GAS7: variants seen among roughly 807,000 people sequenced by gnomAD.
GAS7 encodes the protein growth arrest specific 7.
A neutral mutation model predicts 71.1 loss-of-function variants in GAS7; 28 were observed. The ratio of observed to expected loss-of-function variants is 0.39; its 90% confidence interval spans 0.29 to 0.54. GAS7 has a LOEUF of 0.54. Among genes scored for constraint, GAS7 ranks in the 20% least tolerant of loss-of-function variants. The pLI, the probability that GAS7 is intolerant of heterozygous loss-of-function variation, is 0.62. For synonymous variants in GAS7, 258 were observed against 245.8 expected, an observed-to-expected ratio of 1.05 and a Z score of -0.46; for missense variants, 436 against 627.8, an observed-to-expected ratio of 0.69 and a Z score of 3.27.
At chr17:10,117,705 C>A (rs1007116866) in intron 1 of GAS7, among the ~76,000 whole-genome samples, 3 of 152,128 alleles carry the variant, frequency 2.0e-5, no homozygotes, top group African/African-American at 7.2e-5. Context: ...GTGTTCAGAC[C>A]CTTCCTGTGA....
rs754726154 is a variant in GAS7, at chr17:9,934,198, C to T, written c.853G>A (p.Glu285Lys). The T allele has an allele frequency of 2.5e-6, 4 of 1,612,846 alleles. No individual in the cohort carries two copies. Among genetic ancestry groups the T allele is most frequent in the East Asian group, 2.2e-5 (1 of 44,866 alleles). ...WAQVKKSLAD[E>K]AEVHLKFSAK... is the part of the protein sequence containing the mutation. The stretch of plus-strand genomic sequence containing the variant: ...GAGAACTTGAGGTGAACTTCTGCTT[C>T]GTCCGCCAGGCTCTTCTTCACCTGG... The change falls in exon 9 of 14, where the codon GAA (glutamate) becomes AAA (lysine). Residue 285 changes from glutamate (E) to lysine (K), a missense_variant. Coordinates refer to ENST00000432992, the MANE Select transcript of GAS7 (RefSeq NM_201433.2).
chr17:10,075,088 T>C (rs891710310), intron 1 of GAS7, among the ~76,000 whole-genome samples: 3 of 152,118 alleles, frequency 2.0e-5, no homozygotes, highest in Non-Finnish European at 4.4e-5. Flanking sequence ...CTGGGAGCGG[T>C]GGTTCACACC....
At position 10,019,125 on chromosome 17, in the gene GAS7, G is replaced by T. The variant is rs571264688; in HGVS notation, c.304+652C>A. Among the ~76,000 whole-genome samples, 147 of 152,186 alleles carry T rather than the reference G, an allele frequency of 9.7e-4. 1 individual carries two copies. Among genetic ancestry groups the T allele is most frequent in the African/African-American group, 3.3e-3 (137 of 41,514 alleles). Reference sequence around the variant, plus strand: ...CCACAGCAAACTTCTGGGGATCCTGGGGTCATTTGAAGGCCTGGGAGGTCC... The same window carrying T: ...CCACAGCAAACTTCTGGGGATCCTGTGGTCATTTGAAGGCCTGGGAGGTCC... On this transcript the variant is annotated intron_variant, in intron 2 of 13. Coordinates refer to ENST00000432992, the MANE Select transcript of GAS7 (RefSeq NM_201433.2).
intron 1 of GAS7, among the ~76,000 whole-genome samples, chr17:10,024,739 C>G (rs1205479020): frequency 6.6e-6 from 1 of 152,160 alleles, no homozygotes; most frequent in African/African-American, 2.4e-5. Context: ...ATGGAAAGAG[C>G]ATCCTTTAAG....
chr17:10,124,843 G>A (rs543349947), intron 1 of GAS7, among the ~76,000 whole-genome samples: 5 of 152,178 alleles, frequency 3.3e-5, no homozygotes, highest in Admixed American at 6.5e-5. Flanking sequence ...GCTTGAACCC[G>A]GGAGGTGGAG....
chr17:10,058,383 C>T (rs570638814), intron 1 of GAS7, among the ~76,000 whole-genome samples: 3 of 151,672 alleles, frequency 2.0e-5, no homozygotes, highest in Non-Finnish European at 2.9e-5. Flanking sequence ...AACCCAGAGG[C>T]GGAGCTTGCA....
Position 10,026,050 on chromosome 17 carries a change from C to T in GAS7, c.184-6153G>A, listed in dbSNP as rs1260572392. ...CAGACCCTGCTACTCCGCTCCCTAC[C>T]GCTCCCACCATGCTTCAAGCTCAAG... On this transcript the variant is annotated intron_variant, in intron 1 of 13. Transcript: ENST00000432992. This position sits in a 1 kb window ranked among gnomAD's most constrained non-coding sequence, Gnocchi z 4.5. 1 of 419,482 alleles carries T rather than the reference C, an allele frequency of 2.4e-6. No homozygotes were observed. Among genetic ancestry groups the T allele is most frequent in the Non-Finnish European group, 3.2e-6 (1 of 312,568 alleles). 26.0% of individuals were successfully genotyped at this position (419,482 alleles called of 1,614,324 possible). A position where few individuals can be genotyped will look rare whatever the true frequency, so the allele number is the denominator to read the frequency against.
chr17:10,154,430 G>A (rs1308691772), intron 1 of GAS7, among the ~76,000 whole-genome samples: 2 of 152,058 alleles, frequency 1.3e-5, no homozygotes, highest in Non-Finnish European at 2.9e-5. Flanking sequence ...CTTGAACCCA[G>A]GAGGTCGAGA....
At chr17:9,947,454 T>G (rs1232292849) in intron 5 of GAS7, among the ~76,000 whole-genome samples, 1 of 152,026 alleles carries the variant, frequency 6.6e-6, no homozygotes, top group Non-Finnish European at 1.5e-5. Context: ...TAAATTTAAT[T>G]AGGAAAGCGG....
chr17:10,005,153 G>GTGTATGTA (rs1567879945), intron 2 of GAS7, among the ~76,000 whole-genome samples: 87 of 73,494 alleles, frequency 1.2e-3, no homozygotes, highest in African/African-American at 2.4e-3. Context: ...ACGCATGCAT[G>GTGTATGTA]CATGTGTGTG....
At chr17:10,084,365 A>G (rs2073492576) in intron 1 of GAS7, among the ~76,000 whole-genome samples, 1 of 152,204 alleles carries the variant, frequency 6.6e-6, no homozygotes, top group Non-Finnish European at 1.5e-5. Flanking sequence ...CGTTGAGATC[A>G]GCTGGTCCTG....
At chr17:9,950,332 AC>A (rs2068955520) in intron 5 of GAS7, among the ~76,000 whole-genome samples, 1 of 151,976 alleles carries the variant, frequency 6.6e-6, no homozygotes, top group Admixed American at 6.6e-5. Context: ...ACATAGCACA[AC>A]CTTGTCTCTA....
rs530767270 is a variant in GAS7 at position 9,999,599 on chromosome 17, C to T, written c.305-17715G>A. 1.5e-3 allele frequency among the ~76,000 whole-genome samples: 233 copies of T among 152,104 alleles called. 1 individual carries two copies. Among genetic ancestry groups the T allele is most frequent in the African/African-American group, 4.9e-3 (204 of 41,496 alleles). Reference sequence around the variant, plus strand: ...GGAAATAGAAAGAGGTGAGGCTATTCTGGAAAATAGAAATCAGCAATAATC... The same window carrying T: ...GGAAATAGAAAGAGGTGAGGCTATTTTGGAAAATAGAAATCAGCAATAATC... On this transcript the variant is annotated intron_variant, in intron 2 of 13. Transcript: ENST00000432992.
chr17:10,149,437 T>C (rs1368494564), intron 1 of GAS7, among the ~76,000 whole-genome samples: 1 of 152,168 alleles, frequency 6.6e-6, no homozygotes. Context: ...CTTATAGAAT[T>C]TTAGGATACT....
chr17:10,161,792 C>T (rs1469362794), intron 1 of GAS7, among the ~76,000 whole-genome samples: 2 of 152,144 alleles, frequency 1.3e-5, no homozygotes, highest in Non-Finnish European at 2.9e-5. Context: ...AGGCCGGGTG[C>T]GGTGGCTCAT....
intron 8 of GAS7, among the ~76,000 whole-genome samples, chr17:9,939,278 CT>C (rs983377444): frequency 4.7e-4 from 72 of 152,200 alleles, no homozygotes; most frequent in African/African-American, 1.7e-3. Flanking sequence ...AGGGCTGAGA[CT>C]TTTTTACCCA....
chr17:10,106,456 A>T (rs1476509501), intron 1 of GAS7, among the ~76,000 whole-genome samples: 1 of 152,230 alleles, frequency 6.6e-6, no homozygotes, highest in Non-Finnish European at 1.5e-5. Context: ...GAGGATCAGA[A>T]TCACCGGGAG....
At chr17:9,973,707 T>C (rs2070068077) in intron 3 of GAS7, among the ~76,000 whole-genome samples, 1 of 152,160 alleles carries the variant, frequency 6.6e-6, no homozygotes, top group Non-Finnish European at 1.5e-5. Flanking sequence ...CAAAAGGCAC[T>C]GCACCCAGAT....
intron 1 of GAS7, among the ~76,000 whole-genome samples, chr17:10,098,803 C>T (rs1268269453): frequency 6.6e-6 from 1 of 152,030 alleles, no homozygotes; most frequent in African/African-American, 2.4e-5. Flanking sequence ...ACTAAAAATA[C>T]AAAAAATTAG....
Sources: allele counts gnomAD v4.1 joint callset (sites outside exome capture counted in the v4.1 genomes callset), GRCh38; gene constraint gnomAD v4.1.1; non-coding constraint Gnocchi (gnomAD v3.1); transcripts MANE v1.5; gene names NCBI Gene and HGNC (gene_info 2026-07-23, HGNC 2026-07-21).